Variants in RIPOR2 observed in about 807,000 individuals in gnomAD.
RIPOR2 encodes the protein RHO family interacting cell polarization regulator 2, also known as rho family-interacting cell polarization regulator 2.
RIPOR2 carries 39 observed loss-of-function variants against 114.5 expected under a neutral mutation model. The ratio of observed to expected loss-of-function variants is 0.34; its 90% confidence interval spans 0.26 to 0.44. RIPOR2 has a LOEUF of 0.44. Among genes scored for constraint, RIPOR2 ranks in the 20% least tolerant of loss-of-function variants. The pLI is 1.00. For synonymous variants in RIPOR2, 445 were observed against 484.4 expected, an observed-to-expected ratio of 0.92 and a Z score of 1.07; for missense variants, 1,007 against 1,255.1, an observed-to-expected ratio of 0.80 and a Z score of 2.99.
chr6:24,953,936 T>C (rs1483551567), intron 1 of RIPOR2, among the ~76,000 whole-genome samples: 1 of 152,194 alleles, frequency 6.6e-6, no homozygotes, highest in Non-Finnish European at 1.5e-5. Context: ...TGCTTTTCTC[T>C]TGTTAATCGG....
chr6:24,848,419 G>A (rs992060499), intron 11 of RIPOR2, among the ~76,000 whole-genome samples: 10 of 152,110 alleles, frequency 6.6e-5, no homozygotes, highest in Non-Finnish European at 1.0e-4. Context: ...AGATACACCC[G>A]TTCCTCATTA....
intron 14 of RIPOR2, among the ~76,000 whole-genome samples, chr6:24,836,913 T>C (rs143659578): frequency 6.6e-6 from 1 of 152,324 alleles, no homozygotes; most frequent in African/African-American, 2.4e-5. Context: ...ACATATTTAA[T>C]ATCAATGATG....
chr6:24,924,018 C>T (rs958228996), intron 1 of RIPOR2, among the ~76,000 whole-genome samples: 5 of 152,056 alleles, frequency 3.3e-5, no homozygotes, highest in South Asian at 4.1e-4. Context: ...GCTCTCCTGT[C>T]GTGTCTGTTT....
intron 1 of RIPOR2, among the ~76,000 whole-genome samples, chr6:25,034,890 C>G (rs907412652): frequency 6.6e-6 from 1 of 152,132 alleles, no homozygotes; most frequent in Admixed American, 6.5e-5. Flanking sequence ...CTCCAGTTTC[C>G]CATCATTTTT....
At chr6:24,880,032 C>A (rs2113922042) in intron 1 of RIPOR2, among the ~76,000 whole-genome samples, 1 of 152,308 alleles carries the variant, frequency 6.6e-6, no homozygotes, top group Non-Finnish European at 1.5e-5. Flanking sequence ...AGTATTACTG[C>A]TGGTAGGGAT....
At chr6:24,972,233 T>C (rs915687408) in intron 1 of RIPOR2, among the ~76,000 whole-genome samples, 13 of 152,326 alleles carry the variant, frequency 8.5e-5, no homozygotes, top group African/African-American at 2.9e-4. Flanking sequence ...TAGCAGTCTA[T>C]GGAGAAAAAA....
intron 1 of RIPOR2, among the ~76,000 whole-genome samples, chr6:25,041,130 T>C (rs2113784023): frequency 1.3e-5 from 2 of 152,308 alleles, no homozygotes; most frequent in South Asian, 4.1e-4. Flanking sequence ...AACTATTCCT[T>C]ACCCCTGTGA....
chr6:25,005,694 G>GAC (rs1554130519), intron 1 of RIPOR2, among the ~76,000 whole-genome samples: 19 of 45,386 alleles, frequency 4.2e-4, no homozygotes, highest in Middle Eastern at 0.016. Flanking sequence ...TCCCTATGGA[G>GAC]ATATATATAT....
At chr6:25,040,711 G>C (rs1201927219) in intron 1 of RIPOR2, among the ~76,000 whole-genome samples, 1 of 150,950 alleles carries the variant, frequency 6.6e-6, no homozygotes, top group Non-Finnish European at 1.5e-5. Context: ...TCATGCCTCA[G>C]CCTCCTGAGT....
intron 1 of RIPOR2, among the ~76,000 whole-genome samples, chr6:24,895,155 C>T (rs1767734852): frequency 6.6e-6 from 1 of 152,108 alleles, no homozygotes; most frequent in South Asian, 2.1e-4. Flanking sequence ...CAGGTTCAAG[C>T]TATTCTCCTG....
At position 24,869,316 on chromosome 6, in the gene RIPOR2, ATTT is replaced by A. The variant is rs56329568; in HGVS notation, c.448-172_448-170del. Among the ~76,000 whole-genome samples, 33,036 of 135,028 alleles carry A rather than the reference ATTT, an allele frequency of 0.24. 3,626 individuals are homozygous for A. The highest frequency in any genetic ancestry group is 0.34 in the East Asian group (1,599 of 4,698). 88.6% of individuals were successfully genotyped at this position (135,028 alleles called of 152,430 possible). ...TAGAGATTCTCTAATACCAATTTGGATTTTTTTTTTTTTTTTTTGAGATGAAGT... is the reference window on the plus strand; with the variant it reads ...TAGAGATTCTCTAATACCAATTTGGATTTTTTTTTTTTTTTGAGATGAAGT... On this transcript the variant is annotated intron_variant, in intron 5 of 21. Coordinates refer to ENST00000643898, the MANE Select transcript of RIPOR2 (RefSeq NM_001286445.3).
intron 8 of RIPOR2, among the ~76,000 whole-genome samples, chr6:24,855,939 CAGG>C (rs1012234340): frequency 2.6e-5 from 4 of 152,142 alleles, no homozygotes; most frequent in Non-Finnish European, 5.9e-5. Flanking sequence ...GAGGTTGAGG[CAGG>C]AGGATTGCTT....
intron 1 of RIPOR2, among the ~76,000 whole-genome samples, chr6:24,998,960 A>C (rs1775172778): frequency 6.6e-6 from 1 of 152,082 alleles, no homozygotes; most frequent in African/African-American, 2.4e-5. Context: ...CACTATAGGG[A>C]TGCATATTCC....
intron 15 of RIPOR2, 131 bp downstream of exon 15, chr6:24,835,572 G>T: frequency 4.7e-6 from 5 of 1,053,604 alleles, no homozygotes; most frequent in Non-Finnish European, 5.5e-6. Context: ...TTTTGACTTG[G>T]CTCAAACCAC....
At chr6:24,842,469 G>A (rs192589805) in intron 13 of RIPOR2, among the ~76,000 whole-genome samples, 16 of 152,238 alleles carry the variant, frequency 1.1e-4, no homozygotes, top group South Asian at 8.3e-4. Context: ...ACAATGGGAC[G>A]GATAACTCTG....
In RIPOR2 at chr6:24,828,138, T is replaced by G. The variant is rs1760345013; in HGVS notation, c.2664A>C (p.Gln888His). 1.3e-6 allele frequency: 2 copies of G among 1,545,140 alleles called. No individual in the cohort carries two copies. Among genetic ancestry groups the G allele is most frequent in the Admixed American group, 4.0e-5 (2 of 50,230 alleles). Residue 888 changes from glutamine (Q) to histidine (H), a missense_variant and splice_region_variant, in exon 18 of 22, where the codon CAA becomes CAC. Gln to His is a conservative substitution (Grantham distance 24). Transcript: ENST00000643898. ...ATGTGACAAAAGAACATGTCCCACC[T>G]TGCCTGGCCAGCTGGCTCAGGTAAC... Reference protein sequence around the residue: ...LESYLSQLARQVSMVQTLQSL... With the variant: ...LESYLSQLARHVSMVQTLQSL...
chr6:24,830,484 T>TTC lies in RIPOR2; in HGVS notation c.2506+23_2506+24dup. ...CCACTCTCACACTGAAGGACAGAAA[T>TTC]TCTCTCTCTACTGCTGCCTCATACC... is the stretch of plus-strand genomic sequence containing the variant. On this transcript the variant is annotated intron_variant, in intron 17 of 21. Coordinates refer to ENST00000643898, the MANE Select transcript of RIPOR2 (RefSeq NM_001286445.3). The TTC allele has an allele frequency of 2.1e-6, 3 of 1,407,258 alleles. No homozygotes were observed. In the South Asian group the frequency reaches 3.7e-5, roughly 17 times the overall value. The allele number at this position is 1,407,258 out of a possible 1,614,324, so 87.2% of individuals were successfully genotyped here.
chr6:24,870,668 G>A (rs1030845763), intron 5 of RIPOR2, among the ~76,000 whole-genome samples, 198 bp downstream of exon 5: 1 of 152,122 alleles, frequency 6.6e-6, no homozygotes. Context: ...TACCATGCCT[G>A]GATAATGTTT....
intron 1 of RIPOR2, among the ~76,000 whole-genome samples, chr6:25,029,795 A>G (rs972187126): frequency 6.6e-6 from 1 of 152,232 alleles, no homozygotes. Flanking sequence ...CTTTGAGGGA[A>G]TTATAATGAT....
Sources: allele counts gnomAD v4.1 joint callset (sites outside exome capture counted in the v4.1 genomes callset), GRCh38; gene constraint gnomAD v4.1.1; transcripts MANE v1.5; gene names NCBI Gene and HGNC (gene_info 2026-07-23, HGNC 2026-07-21).